PLXNA1: variants seen among roughly 807,000 people sequenced by gnomAD.
PLXNA1 encodes the protein plexin A1, also known as plexin-A1.
In PLXNA1, 77 loss-of-function variants were observed where a neutral mutation model predicts 191.7. That is an observed-to-expected ratio of 0.40 (90% CI 0.33 to 0.49). The LOEUF (loss-of-function observed/expected upper bound fraction) is 0.49, where lower values mean the gene tolerates loss of function less well. Among genes scored for constraint, PLXNA1 ranks in the 20% least tolerant of loss-of-function variants. PLXNA1 has a pLI of 0.63. For synonymous variants in PLXNA1, 1,137 were observed against 1,156.4 expected, an observed-to-expected ratio of 0.98 and a Z score of 0.34; for missense variants, 2,110 against 2,660.2, an observed-to-expected ratio of 0.79 and a Z score of 4.55.
Position 126,985,198 on chromosome 3 carries a change from C to A in PLXNA1, c.-74+1911C>A, listed in dbSNP as rs144397741. 6.0e-3 allele frequency among the ~76,000 whole-genome samples: 914 copies of A among 152,194 alleles called. 6 individuals are homozygous for A. The highest frequency in any genetic ancestry group is 8.6e-3 in the Non-Finnish European group (587 of 67,982). On this transcript the variant is annotated intron_variant, in intron 1 of 31. Transcript: ENST00000393409. ...AGAAGGAGCTTTGGTGTCACTCAGGCCAGGAAAGGGAAGGGGACACTGTTG... is the reference window on the plus strand; with the variant it reads ...AGAAGGAGCTTTGGTGTCACTCAGGACAGGAAAGGGAAGGGGACACTGTTG...
intron 21 of PLXNA1, 54 bp downstream of exon 21, chr3:127,020,398 C>T: frequency 5.0e-6 from 8 of 1,595,684 alleles, no homozygotes; most frequent in Non-Finnish European, 6.8e-6. Flanking sequence ...CTGCTATCTT[C>T]TGCCTTTGAG....
intron 20 of PLXNA1, among the ~76,000 whole-genome samples, chr3:127,019,199 T>C (rs550151258): frequency 6.7e-6 from 1 of 149,784 alleles, no homozygotes; most frequent in East Asian, 1.9e-4. Context: ...TGTAGGACCT[T>C]AGCCATGTGG....
intron 3 of PLXNA1, among the ~76,000 whole-genome samples, chr3:126,992,851 C>T (rs1298349684): frequency 6.6e-6 from 1 of 152,126 alleles, no homozygotes; most frequent in Non-Finnish European, 1.5e-5. Context: ...GTGCGAGGCC[C>T]CTCCCGTCCT....
At chr3:127,002,447 C>T (rs905853210) in intron 3 of PLXNA1, among the ~76,000 whole-genome samples, 1 of 152,266 alleles carries the variant, frequency 6.6e-6, no homozygotes, top group Admixed American at 6.5e-5. Context: ...CTGGGCCCTG[C>T]TGCCCTGGAC....
Position 127,015,358 on chromosome 3 carries a change from C to T in PLXNA1, c.3014+38C>T, listed in dbSNP as rs375360663. 18 of 1,581,524 alleles carry T rather than the reference C, an allele frequency of 1.1e-5. No individual in the cohort carries two copies. The African/African-American group carries it at 2.4e-4, about 21-fold the overall frequency. On this transcript the variant is annotated intron_variant, in intron 15 of 31. Coordinates refer to ENST00000393409, the MANE Select transcript of PLXNA1 (RefSeq NM_032242.4). ...GGTGGGGGTGGGGGCCTGGCTGCCC[C>T]TCCTCCTGTTTCAGATGGTTGCATG...
At chr3:127,002,470 G>GT (rs2079045750) in intron 3 of PLXNA1, among the ~76,000 whole-genome samples, 1 of 152,240 alleles carries the variant, frequency 6.6e-6, no homozygotes, top group Non-Finnish European at 1.5e-5. Context: ...GCCCTGCTCT[G>GT]TAACCGTGAG....
chr3:126,987,088 G>C (rs1225309094), intron 1 of PLXNA1, among the ~76,000 whole-genome samples: 1 of 152,240 alleles, frequency 6.6e-6, no homozygotes, highest in African/African-American at 2.4e-5. Context: ...CAACCAAGGG[G>C]GTGGCACTGC....
Position 127,014,589 on chromosome 3 carries a change from C to T in PLXNA1, c.2716C>T (p.Leu906=). ...VRLGVRVGKV[L]CSPVESEYIS... ...TCTGGGCGTGCGCGTGGGCAAGGTG[C>T]TGTGCAGCCCTGTGGAGAGCGAGTA... Residue 906 remains leucine, a synonymous_variant, in exon 13 of 32, where the codon CTG becomes TTG. Transcript: ENST00000393409. 1 of 1,613,222 alleles carries T rather than the reference C, an allele frequency of 6.2e-7. No individual in the cohort carries two copies. Among genetic ancestry groups the T allele is most frequent in the Non-Finnish European group, 8.5e-7 (1 of 1,179,856 alleles).
At chr3:126,991,614 A>G in intron 3 of PLXNA1, 48 bp downstream of exon 3, 1 of 1,509,222 alleles carries the variant, frequency 6.6e-7, no homozygotes, top group Non-Finnish European at 8.9e-7. Context: ...GGGCAGGAAC[A>G]AAGGCTTGCG....
At chr3:127,016,896 T>C in intron 16 of PLXNA1, 48 bp from the exon 17 acceptor site, 1 of 1,518,792 alleles carries the variant, frequency 6.6e-7, no homozygotes, top group Non-Finnish European at 9.1e-7. Flanking sequence ...TCCAGCTCAC[T>C]GGGCCCCAGC....
chr3:126,989,860 C>G (rs2078982326), intron 2 of PLXNA1, 73 bp downstream of exon 2: 1 of 1,299,298 alleles, frequency 7.7e-7, no homozygotes, highest in East Asian at 2.3e-5. Flanking sequence ...GTGTCAGATG[C>G]ACGCCCAGTG....
At position 126,988,656 on chromosome 3, in the gene PLXNA1, G is replaced by A. The variant is rs780440301; in HGVS notation, c.63G>A (p.Leu21=). ...TGCTGCTGCTGTTGCTGCTGCTGCT[G>A]CCGGGCATGTGGGCTGAGGCAGGCT... ...LLLLLLLLLL[L]PGMWAEAGLP... is the part of the protein sequence containing the mutation. The change falls in exon 2 of 32, where the codon CTG becomes CTA. Residue 21 remains leucine, a synonymous_variant. Transcript: ENST00000393409. 5 of 1,579,184 alleles carry A rather than the reference G, an allele frequency of 3.2e-6. No homozygotes were observed. The highest frequency in any genetic ancestry group is 1.7e-4 in the Middle Eastern group (1 of 5,918).
At position 127,015,172 on chromosome 3, in the gene PLXNA1, C is replaced by G. The variant is rs567283957; in HGVS notation, c.2878-12C>G. The G allele has an allele frequency of 6.2e-7, 1 of 1,603,392 alleles. No individual in the cohort carries two copies. The highest frequency in any genetic ancestry group is 1.3e-5 in the African/African-American group (1 of 74,796). On this transcript the variant is annotated splice_polypyrimidine_tract_variant and intron_variant, in intron 14 of 31. Coordinates refer to ENST00000393409, the MANE Select transcript of PLXNA1 (RefSeq NM_032242.4). ...TTTCCTGAGAGTTTCAGCAAGTTCC[C>G]TCTTCCTGCAGACACCAACCTTCTA... is the stretch of plus-strand genomic sequence containing the variant.
In PLXNA1 at chr3:127,006,146, C is replaced by T. The variant is rs1559958489; in HGVS notation, c.1965C>T (p.Asp655=). 6.2e-7 allele frequency: 1 copy of T among 1,613,782 alleles called. No homozygotes were observed. Among genetic ancestry groups the T allele is most frequent in the Non-Finnish European group, 8.5e-7 (1 of 1,179,968 alleles). Residue 655 remains aspartate (D), a synonymous_variant, in exon 8 of 32, where the codon GAC becomes GAT. Transcript: ENST00000393409. The stretch of plus-strand genomic sequence containing the variant: ...CAGGGAAGAAGTTTGCGTCTGTGGA[C>T]TTCGTCTTCTACAACTGCAGCGTCC... ...KETGKKFASV[D]FVFYNCSVHQ...
intron 29 of PLXNA1, among the ~76,000 whole-genome samples, chr3:127,030,878 G>A (rs1039179317): frequency 6.6e-6 from 1 of 152,188 alleles, no homozygotes; most frequent in Admixed American, 6.5e-5. Context: ...CGCAGAGGCC[G>A]AGCCACTTGC....
intron 10 of PLXNA1, among the ~76,000 whole-genome samples, chr3:127,012,730 A>G (rs1029305119): frequency 6.6e-6 from 1 of 152,242 alleles, no homozygotes; most frequent in East Asian, 1.9e-4. Context: ...GAAAAGCTCT[A>G]CTGTCAGGTG....
At chr3:127,012,618 A>T (rs2079101585) in intron 10 of PLXNA1, among the ~76,000 whole-genome samples, 1 of 152,236 alleles carries the variant, frequency 6.6e-6, no homozygotes, top group African/African-American at 2.4e-5. Flanking sequence ...CCCTGGCCAA[A>T]TGCAGAAAAC....
intron 8 of PLXNA1, among the ~76,000 whole-genome samples, chr3:127,006,516 G>A (rs933789957): frequency 3.9e-5 from 6 of 152,342 alleles, no homozygotes; most frequent in African/African-American, 1.2e-4. Context: ...GTGTATGGCT[G>A]CAAGGGCACA....
chr3:127,033,922 A>C lies in PLXNA1; in HGVS notation c.5596A>C (p.Ile1866Leu). 2 of 1,596,720 alleles carry C rather than the reference A, an allele frequency of 1.3e-6. No individual in the cohort carries two copies. Among genetic ancestry groups the C allele is most frequent in the Non-Finnish European group, 1.7e-6 (2 of 1,173,132 alleles). Residue 1866 changes from isoleucine (I) to leucine (L), a missense_variant and splice_region_variant, in exon 32 of 32, where the codon ATC (isoleucine) becomes CTC (leucine). Coordinates refer to ENST00000393409, the MANE Select transcript of PLXNA1 (RefSeq NM_032242.4). ...GCTGACAGTTCTCCTGGCCCTGCAG[A>C]TCCTGGCAGCCCTGGAGAAGGATGA... ...YSYITKYKDE[I>L]LAALEKDEQA...
Sources: allele counts gnomAD v4.1 joint callset (sites outside exome capture counted in the v4.1 genomes callset), GRCh38; gene constraint gnomAD v4.1.1; transcripts MANE v1.5; gene names NCBI Gene and HGNC (gene_info 2026-07-23, HGNC 2026-07-21).